The following CNGB3 variants were observed in gnomAD, a reference collection of about 807,000 sequenced individuals.
CNGB3 encodes the protein cyclic nucleotide gated channel subunit beta 3, also known as cyclic nucleotide-gated channel beta-3.
Under a neutral mutation model 92.8 loss-of-function variants are expected in CNGB3, and 86 were observed. The ratio of observed to expected loss-of-function variants is 0.93; its 90% confidence interval spans 0.78 to 1.11. The LOEUF (loss-of-function observed/expected upper bound fraction) is 1.11. Ranked by LOEUF, CNGB3 falls within the 50% of genes least tolerant of loss-of-function variation. CNGB3 has a pLI of 0.00. For synonymous variants in CNGB3, 333 were observed against 332.7 expected (o/e 1.00, Z -0.01); for missense variants, 1,026 against 956.8 (o/e 1.07, Z -0.95).
At chr8:86,716,752 A>C (rs566220724) in intron 3 of CNGB3, among the ~76,000 whole-genome samples, 12 of 152,186 alleles carry the variant, frequency 7.9e-5, no homozygotes, top group Non-Finnish European at 1.8e-4. Flanking sequence ...CTCAACATAC[A>C]CCAAAATAGA....
chr8:86,614,941 C>T (rs1053203597), intron 13 of CNGB3, among the ~76,000 whole-genome samples: 12 of 152,084 alleles, frequency 7.9e-5, no homozygotes, highest in Admixed American at 4.6e-4. Context: ...AGTTGGCCTC[C>T]GTATCCATGG....
intron 15 of CNGB3, among the ~76,000 whole-genome samples, chr8:86,581,644 A>T (rs770112401): frequency 3.0e-4 from 46 of 152,194 alleles, no homozygotes; most frequent in Non-Finnish European, 6.6e-4. Context: ...TGGAAAGCTA[A>T]GAAACTCCTG....
intron 13 of CNGB3, among the ~76,000 whole-genome samples, chr8:86,614,341 G>A (rs936786374): frequency 6.6e-6 from 1 of 152,078 alleles, no homozygotes; most frequent in African/African-American, 2.4e-5. Context: ...GTCACAGCAA[G>A]GCCCCATGGA....
At position 86,699,341 on chromosome 8, in the gene CNGB3, A is replaced by C. The variant is rs1824509761; in HGVS notation, c.338+27190T>G. 3.9e-5 allele frequency among the ~76,000 whole-genome samples: 6 copies of C among 152,290 alleles called. 1 individual carries two copies. The Middle Eastern group carries it at 0.02, about 518-fold the overall frequency. The stretch of plus-strand genomic sequence containing the variant: ...ACTTTATAAGTAAACAATAAAATCA[A>C]GACTATTGAATGTTGGCCAGGTGCA... On this transcript the variant is annotated intron_variant, in intron 3 of 17. Coordinates refer to ENST00000320005, the MANE Select transcript of CNGB3 (RefSeq NM_019098.5).
chr8:86,589,782 G>A (rs1464259931), intron 15 of CNGB3, among the ~76,000 whole-genome samples: 1 of 151,944 alleles, frequency 6.6e-6, no homozygotes, highest in South Asian at 2.1e-4. Context: ...TTTGGAATAG[G>A]TGTGGTGTGG....
Position 86,641,698 on chromosome 8 carries a change from C to T in CNGB3, c.1178+2053G>A, listed in dbSNP as rs1399073973. 2.0e-4 allele frequency among the ~76,000 whole-genome samples: 31 copies of T among 151,614 alleles called. 1 individual carries two copies. The highest frequency in any genetic ancestry group is 1.2e-4 in the Non-Finnish European group (8 of 67,830). On this transcript the variant is annotated intron_variant, in intron 10 of 17. Transcript: ENST00000320005. ...CTATTTCTGTTCTTTAGTGGTTACT[C>T]ACACTCATTTTCTATTGTACTCCAG...
At chr8:86,579,048 A>G in intron 16 of CNGB3, 58 bp downstream of exon 16, 1 of 1,606,396 alleles carries the variant, frequency 6.2e-7, no homozygotes, top group South Asian at 1.1e-5. Flanking sequence ...TCCCTATCTC[A>G]GAGTTTACAA....
intron 6 of CNGB3, among the ~76,000 whole-genome samples, chr8:86,655,553 TGGACTAA>T (rs563358146): frequency 2.6e-4 from 39 of 152,338 alleles, no homozygotes; most frequent in Non-Finnish European, 4.7e-4. Context: ...CATCAAGATT[TGGACTAA>T]GGGTCTTCTC....
At chr8:86,681,577 G>A (rs1824083198) in intron 3 of CNGB3, among the ~76,000 whole-genome samples, 1 of 152,162 alleles carries the variant, frequency 6.6e-6, no homozygotes, top group South Asian at 2.1e-4. Flanking sequence ...ACATTCTGCA[G>A]AGCTGAAGAA....
chr8:86,577,301 C>G (rs1258719847), intron 17 of CNGB3, among the ~76,000 whole-genome samples: 1 of 152,146 alleles, frequency 6.6e-6, no homozygotes, highest in Non-Finnish European at 1.5e-5. Context: ...GTTTCTTCAT[C>G]TATAACATGA....
intron 6 of CNGB3, chr8:86,659,164 C>G (rs1823579307): frequency 4.2e-6 from 3 of 711,500 alleles, no homozygotes; most frequent in Admixed American, 1.9e-5. Context: ...TCCTTCTCCT[C>G]CCTCAATGTG....
chr8:86,597,063 A>G (rs1393853101), intron 15 of CNGB3, among the ~76,000 whole-genome samples: 1 of 152,170 alleles, frequency 6.6e-6, no homozygotes, highest in Non-Finnish European at 1.5e-5. Context: ...ATTAGGAGAA[A>G]TACCTAATGT....
chr8:86,651,435 G>A (rs1042668334), intron 7 of CNGB3, among the ~76,000 whole-genome samples: 1 of 151,848 alleles, frequency 6.6e-6, no homozygotes, highest in Non-Finnish European at 1.5e-5. Flanking sequence ...CTTAGAAATT[G>A]CATCATATCA....
chr8:86,587,610 C>T (rs1489381053), intron 15 of CNGB3, among the ~76,000 whole-genome samples: 4 of 151,966 alleles, frequency 2.6e-5, no homozygotes, highest in Admixed American at 6.6e-5. Flanking sequence ...TTCCCCATTG[C>T]TTGTTTTTCT....
chr8:86,577,252 TA>T (rs1394541871), intron 17 of CNGB3, among the ~76,000 whole-genome samples: 1 of 152,242 alleles, frequency 6.6e-6, no homozygotes, highest in African/African-American at 2.4e-5. Context: ...GCTCTGTAAC[TA>T]ATTATGATCT....
At chr8:86,586,706 T>C (rs2131541318) in intron 15 of CNGB3, among the ~76,000 whole-genome samples, 2 of 151,178 alleles carry the variant, frequency 1.3e-5, no homozygotes, top group South Asian at 4.2e-4. Flanking sequence ...ATGGTGTATA[T>C]GTGCCATATT....
At chr8:86,724,037 C>T (rs72694141) in intron 3 of CNGB3, among the ~76,000 whole-genome samples, 4 of 152,130 alleles carry the variant, frequency 2.6e-5, no homozygotes, top group East Asian at 3.9e-4. Flanking sequence ...TGAGGATGAC[C>T]GGAGGGAGGA....
chr8:86,591,109 C>A (rs903494259), intron 15 of CNGB3, among the ~76,000 whole-genome samples: 5 of 151,786 alleles, frequency 3.3e-5, no homozygotes, highest in South Asian at 4.2e-4. Flanking sequence ...ATTGCTGATA[C>A]CCTTTCTTCC....
chr8:86,724,968 C>G (rs1302096493), intron 3 of CNGB3, among the ~76,000 whole-genome samples: 2 of 152,148 alleles, frequency 1.3e-5, no homozygotes, highest in East Asian at 1.9e-4. Context: ...GAGGTCATGT[C>G]AAGAAGTTTT....
Sources: allele counts gnomAD v4.1 joint callset (sites outside exome capture counted in the v4.1 genomes callset), GRCh38; gene constraint gnomAD v4.1.1; transcripts MANE v1.5; gene names NCBI Gene and HGNC (gene_info 2026-07-23, HGNC 2026-07-21).